The following MLLT11 variants were observed in gnomAD, a reference collection of about 807,000 sequenced individuals.
MLLT11 encodes the protein protein AF1q.
In MLLT11, 1 loss-of-function variant was observed where a neutral mutation model predicts 5.3. The observed-to-expected ratio is 0.19, with a 90% CI of 0.07 to 0.89. The LOEUF is 0.89. Ranked by LOEUF, MLLT11 falls within the 40% of genes least tolerant of loss-of-function variation. The pLI is 0.67. For missense variants in MLLT11, 87 were observed against 107.3 expected (o/e 0.81, Z 0.83); for synonymous variants, 38 against 41.7 (o/e 0.91, Z 0.34).
At chr1:151,061,212 T>C (rs915844835) in intron 1 of MLLT11, among the ~76,000 whole-genome samples, 1 of 152,090 alleles carries the variant, frequency 6.6e-6, no homozygotes, top group Non-Finnish European at 1.5e-5. Context: ...GGTGGAGGAA[T>C]GCTAGTAGGA....
chr1:151,068,393 A>C lies in MLLT11; in HGVS notation c.*896A>C. On this transcript the variant is annotated 3_prime_UTR_variant, in exon 2 of 2. Coordinates refer to ENST00000368921, the MANE Select transcript of MLLT11 (RefSeq NM_006818.4). ...CTACATTGAGACCCTGAAATGAACA[A>C]TTATATTCTGACTCGACATCTTGTC... 1 of 224,286 alleles carries C rather than the reference A, an allele frequency of 4.5e-6. No homozygotes were observed. Among genetic ancestry groups the C allele is most frequent in the Non-Finnish European group, 9.7e-6 (1 of 102,962 alleles). 13.9% of individuals were successfully genotyped at this position (224,286 alleles called of 1,614,324 possible). A position where few individuals can be genotyped will look rare whatever the true frequency, so the allele number is the denominator to read the frequency against.
intron 1 of MLLT11, among the ~76,000 whole-genome samples, chr1:151,062,745 A>G (rs1019245179): frequency 2.0e-5 from 3 of 152,160 alleles, no homozygotes; most frequent in African/African-American, 7.2e-5. Context: ...GGTAGGATAG[A>G]GAAAAGAACC....
At chr1:151,063,195 A>G (rs1446423500) in intron 1 of MLLT11, among the ~76,000 whole-genome samples, 1 of 152,210 alleles carries the variant, frequency 6.6e-6, no homozygotes, top group Non-Finnish European at 1.5e-5. Flanking sequence ...ACTGTGTTCT[A>G]GATTAACACT....
rs1031693537 is a variant in MLLT11 at position 151,068,886 on chromosome 1, C to T, written c.*1389C>T. ...AGGCGTGAGCCACTGAGCCCGGCCTCATTTTATCTTTCTATAATAATATTC... is the reference window on the plus strand; with the variant it reads ...AGGCGTGAGCCACTGAGCCCGGCCTTATTTTATCTTTCTATAATAATATTC... On this transcript the variant is annotated 3_prime_UTR_variant, in exon 2 of 2. Transcript: ENST00000368921. 6.6e-6 allele frequency among the ~76,000 whole-genome samples: 1 copy of T among 152,128 alleles called. No individual in the cohort carries two copies. Among genetic ancestry groups the T allele is most frequent in the Non-Finnish European group, 1.5e-5 (1 of 68,024 alleles).
intron 1 of MLLT11, among the ~76,000 whole-genome samples, chr1:151,066,917 T>A (rs1328741290): frequency 7.0e-6 from 1 of 142,728 alleles, no homozygotes; most frequent in Non-Finnish European, 1.5e-5. Context: ...AGAGCAAGAC[T>A]CCGTCTCATT....
At position 151,067,566 on chromosome 1, in the gene MLLT11, C is replaced by A; in HGVS notation, c.*69C>A. The A allele has an allele frequency of 6.7e-7, 1 of 1,495,300 alleles. No individual in the cohort carries two copies. The highest frequency in any genetic ancestry group is 9.2e-7 in the Non-Finnish European group (1 of 1,091,318). 92.6% of individuals were successfully genotyped at this position (1,495,300 alleles called of 1,614,324 possible). ...CCTCTCAAGCCCCTTCCTTTCCACT[C>A]CTTTCCCATTTTAATCTTGTTCTCT... On this transcript the variant is annotated 3_prime_UTR_variant, in exon 2 of 2. Transcript: ENST00000368921.
In MLLT11 at chr1:151,067,648, T is replaced by C. The variant is rs1676493802; in HGVS notation, c.*151T>C. ...CCAGAGTTGAGTTCTATGTATTTAT[T>C]TATCTATCTGTCTACTCCATTTCTC... On this transcript the variant is annotated 3_prime_UTR_variant, in exon 2 of 2. Coordinates refer to ENST00000368921, the MANE Select transcript of MLLT11 (RefSeq NM_006818.4). The C allele has an allele frequency of 3.4e-6, 3 of 871,986 alleles. 1 individual carries two copies. In the Admixed American group the frequency reaches 7.7e-5, roughly 22 times the overall value. The allele number at this position is 871,986 out of a possible 1,614,324, so 54.0% of individuals were successfully genotyped here.
chr1:151,068,278 A>G lies in MLLT11; in HGVS notation c.*781A>G, dbSNP rs1312189064. 4.3e-6 allele frequency: 1 copy of G among 230,652 alleles called. No individual in the cohort carries two copies. The highest frequency in any genetic ancestry group is 6.9e-5 in the East Asian group (1 of 14,462). The allele number at this position is 230,652 out of a possible 1,614,324, so 14.3% of individuals were successfully genotyped here. ...TATTATGATAGTTTTTAAGGTTTCA[A>G]TTCAATCTTCTGAACGGCATAAGTC... is the stretch of plus-strand genomic sequence containing the variant. On this transcript the variant is annotated 3_prime_UTR_variant, in exon 2 of 2. Transcript: ENST00000368921.
intron 1 of MLLT11, among the ~76,000 whole-genome samples, chr1:151,061,030 C>G (rs769443985): frequency 6.6e-6 from 1 of 152,126 alleles, no homozygotes; most frequent in Non-Finnish European, 1.5e-5. Flanking sequence ...TGGATAATCT[C>G]TTTCATTCCA....
chr1:151,063,397 C>G (rs1345032163), intron 1 of MLLT11, among the ~76,000 whole-genome samples: 5 of 152,036 alleles, frequency 3.3e-5, no homozygotes, highest in Non-Finnish European at 7.4e-5. Flanking sequence ...AACATTTCAA[C>G]TAATGCTTCT....
intron 1 of MLLT11, among the ~76,000 whole-genome samples, chr1:151,065,497 A>G (rs923432318): frequency 6.6e-6 from 1 of 152,206 alleles, no homozygotes; most frequent in African/African-American, 2.4e-5. Flanking sequence ...TCAGAAGGCA[A>G]TAAGGCCATC....
chr1:151,063,749 G>T (rs1467532268), intron 1 of MLLT11, among the ~76,000 whole-genome samples: 1 of 152,160 alleles, frequency 6.6e-6, no homozygotes, highest in Non-Finnish European at 1.5e-5. Flanking sequence ...TTGACCCTTG[G>T]CTAGTAAGTA....
rs2102981634 is a variant in MLLT11 at position 151,068,087 on chromosome 1, G to C, written c.*590G>C. On this transcript the variant is annotated 3_prime_UTR_variant, in exon 2 of 2. Transcript: ENST00000368921. ...GGTATAAAACAGGAGGAAATATTAT[G>C]GAAAATGAAAATAGGGAAAATAATT... 1 of 240,258 alleles carries C rather than the reference G, an allele frequency of 4.2e-6. No individual in the cohort carries two copies. Among genetic ancestry groups the C allele is most frequent in the East Asian group, 6.5e-5 (1 of 15,352 alleles). The allele number at this position is 240,258 out of a possible 1,614,324, so 14.9% of individuals were successfully genotyped here.
In MLLT11 at chr1:151,068,773, C is replaced by T. The variant is rs587723449; in HGVS notation, c.*1276C>T. 2.0e-5 allele frequency among the ~76,000 whole-genome samples: 3 copies of T among 152,152 alleles called. No homozygotes were observed. Among genetic ancestry groups the T allele is most frequent in the East Asian group, 1.9e-4 (1 of 5,164 alleles). On this transcript the variant is annotated 3_prime_UTR_variant, in exon 2 of 2. Transcript: ENST00000368921. ...TTAATTTTTGTATTTTTCATAGAGA[C>T]GGGGTTTCACCATGTTGGCCAGGCT...
chr1:151,060,950 GT>G (rs1377300428), intron 1 of MLLT11, among the ~76,000 whole-genome samples: 2 of 152,022 alleles, frequency 1.3e-5, no homozygotes, highest in African/African-American at 4.8e-5. Flanking sequence ...AGTGTTCTAT[GT>G]TTCTCTGTAG....
chr1:151,060,632 C>T (rs1676390134), intron 1 of MLLT11, 79 bp downstream of exon 1: 2 of 152,208 alleles, frequency 1.3e-5, no homozygotes, highest in African/African-American at 4.8e-5. Flanking sequence ...AAAGACCCCA[C>T]ATGAGGTGGG....
intron 1 of MLLT11, among the ~76,000 whole-genome samples, chr1:151,066,721 G>A (rs1309495967): frequency 6.6e-6 from 1 of 151,896 alleles, no homozygotes; most frequent in Non-Finnish European, 1.5e-5. Flanking sequence ...TCAGGAGATC[G>A]AGACCATCCT....
At chr1:151,067,034 T>C in intron 1 of MLLT11, 185 bp from the exon 2 acceptor site, 2 of 495,342 alleles carry the variant, frequency 4.0e-6, no homozygotes, top group South Asian at 7.8e-5. Context: ...TGAGTTTCTT[T>C]TTTTTCCTCC....
chr1:151,067,414 G>C lies in MLLT11; in HGVS notation c.190G>C (p.Asp64His). Reference sequence around the variant, plus strand: ...AGACCAGGAGAAAAACCCTGAAGGTGATGGCCTCCTTGAGTACAGCACCTT... The same window carrying C: ...AGACCAGGAGAAAAACCCTGAAGGTCATGGCCTCCTTGAGTACAGCACCTT... ...AADQEKNPEGDGLLEYSTFNF... is the reference protein window; with the variant it reads ...AADQEKNPEGHGLLEYSTFNF... The change falls in exon 2 of 2, where the codon GAT (aspartate) becomes CAT (histidine). Residue 64 changes from aspartate (D) to histidine (H), a missense_variant. Physicochemically the swap from Asp to His is moderately conservative, Grantham distance 81 (BLOSUM62 -1). Coordinates refer to ENST00000368921, the MANE Select transcript of MLLT11 (RefSeq NM_006818.4). 1 of 1,614,192 alleles carries C rather than the reference G, an allele frequency of 6.2e-7. No individual in the cohort carries two copies. Among genetic ancestry groups the C allele is most frequent in the East Asian group, 2.2e-5 (1 of 44,884 alleles).
Sources: allele counts gnomAD v4.1 joint callset (sites outside exome capture counted in the v4.1 genomes callset), GRCh38; gene constraint gnomAD v4.1.1; transcripts MANE v1.5; gene names NCBI Gene and HGNC (gene_info 2026-07-23, HGNC 2026-07-21).